Variants in EXT1 observed in about 807,000 individuals in gnomAD.
EXT1 encodes the protein exostosin glycosyltransferase 1.
EXT1 carries 20 observed loss-of-function variants against 82.5 expected under a neutral mutation model. The ratio of observed to expected loss-of-function variants is 0.24; its 90% confidence interval spans 0.17 to 0.35. The LOEUF (loss-of-function observed/expected upper bound fraction) is 0.35, where lower values mean the gene tolerates loss of function less well. Ranked by LOEUF, EXT1 falls within the 10% of genes least tolerant of loss-of-function variation. The pLI, the probability that EXT1 is intolerant of heterozygous loss-of-function variation, is 1.00. For synonymous variants in EXT1, 348 were observed against 350.8 expected (o/e 0.99, Z 0.09); for missense variants, 757 against 936.5 (o/e 0.81, Z 2.50).
intron 1 of EXT1, among the ~76,000 whole-genome samples, chr8:117,870,554 C>T (rs1003532122): frequency 6.7e-6 from 1 of 150,368 alleles, no homozygotes; most frequent in Non-Finnish European, 1.5e-5. Context: ...AGTTGTCCAT[C>T]AGTCTGTACT....
At chr8:117,858,483 C>T (rs991381882) in intron 1 of EXT1, among the ~76,000 whole-genome samples, 1 of 151,796 alleles carries the variant, frequency 6.6e-6, no homozygotes, top group African/African-American at 2.4e-5. Context: ...ATCAGCCTGG[C>T]CAGCATGGTG....
intron 1 of EXT1, among the ~76,000 whole-genome samples, chr8:117,859,884 C>T (rs1256091664): frequency 6.6e-6 from 1 of 152,140 alleles, no homozygotes; most frequent in Non-Finnish European, 1.5e-5. Flanking sequence ...CAGTGGCTCA[C>T]GCCTGTAATC....
chr8:118,044,699 G>A (rs17476714), intron 1 of EXT1, among the ~76,000 whole-genome samples: 294 of 152,214 alleles, frequency 1.9e-3, no homozygotes, highest in Middle Eastern at 6.8e-3. Context: ...GAGCCACCGT[G>A]CGCGGCTGAT....
intron 1 of EXT1, among the ~76,000 whole-genome samples, chr8:117,954,152 G>A (rs1433896276): frequency 6.6e-6 from 1 of 152,062 alleles, no homozygotes; most frequent in Non-Finnish European, 1.5e-5. Flanking sequence ...TCTTCCCAGG[G>A]GCTGTTTGCT....
intron 1 of EXT1, among the ~76,000 whole-genome samples, chr8:117,975,588 C>G (rs185807942): frequency 6.6e-6 from 1 of 152,254 alleles, no homozygotes; most frequent in Admixed American, 6.5e-5. Context: ...CATTCATGCT[C>G]TCTCATCACC....
At chr8:117,870,823 T>TCTCACACACA (rs150568638) in intron 1 of EXT1, among the ~76,000 whole-genome samples, 3 of 146,774 alleles carry the variant, frequency 2.0e-5, no homozygotes, top group African/African-American at 7.7e-5. Flanking sequence ...AAATGCTTTG[T>TCTCACACACA]CACACACACA....
chr8:117,903,759 C>T (rs756912181), intron 1 of EXT1, among the ~76,000 whole-genome samples: 3 of 152,198 alleles, frequency 2.0e-5, no homozygotes, highest in Non-Finnish European at 2.9e-5. Context: ...CAGGAATGTA[C>T]GGACAGGCTC....
At chr8:117,936,515 C>A (rs956730286) in intron 1 of EXT1, among the ~76,000 whole-genome samples, 3 of 152,186 alleles carry the variant, frequency 2.0e-5, no homozygotes, top group Non-Finnish European at 2.9e-5. Flanking sequence ...ACAAAATACA[C>A]CACCATCACC....
intron 1 of EXT1, among the ~76,000 whole-genome samples, chr8:118,059,405 G>A (rs993179623): frequency 6.6e-6 from 1 of 152,196 alleles, no homozygotes; most frequent in Non-Finnish European, 1.5e-5. Context: ...ACTCTCATAA[G>A]GTTGATGGAA....
At chr8:118,029,992 T>C (rs17476497) in intron 1 of EXT1, among the ~76,000 whole-genome samples, 3,669 of 152,310 alleles carry the variant, frequency 0.024, 122 homozygotes, top group African/African-American at 0.084. Context: ...GTGGCCTAAA[T>C]TCTGCACACT....
At chr8:117,922,014 T>G (rs1563601932) in intron 1 of EXT1, among the ~76,000 whole-genome samples, 3 of 152,124 alleles carry the variant, frequency 2.0e-5, no homozygotes, top group Admixed American at 2.0e-4. Context: ...AATTACAGCT[T>G]TAAAAGTTTC....
intron 1 of EXT1, among the ~76,000 whole-genome samples, chr8:118,093,907 G>T (rs751891458): frequency 6.6e-6 from 1 of 152,196 alleles, no homozygotes; most frequent in Non-Finnish European, 1.5e-5. Flanking sequence ...CCATCCTCAA[G>T]AAGAAGCCAT....
At chr8:117,959,175 T>A (rs1352796701) in intron 1 of EXT1, among the ~76,000 whole-genome samples, 1 of 152,190 alleles carries the variant, frequency 6.6e-6, no homozygotes, top group Non-Finnish European at 1.5e-5. Context: ...GGCTAGTGCC[T>A]GTGAAAGCTG....
At chr8:117,860,540 G>A (rs1411530816) in intron 1 of EXT1, among the ~76,000 whole-genome samples, 4 of 152,168 alleles carry the variant, frequency 2.6e-5, no homozygotes, top group African/African-American at 9.7e-5. Flanking sequence ...CCTTTGTAAA[G>A]GAAAGAGTAT....
chr8:117,872,280 T>A (rs1264433576), intron 1 of EXT1, among the ~76,000 whole-genome samples: 1 of 152,198 alleles, frequency 6.6e-6, no homozygotes, highest in South Asian at 2.1e-4. Flanking sequence ...TCTATCATAC[T>A]GGGAATTACT....
chr8:118,110,955 G>A lies in EXT1; in HGVS notation c.92C>T (p.Ser31Leu), dbSNP rs766091879. The change falls in exon 1 of 11, where the codon TCG becomes TTG. Residue 31 changes from serine to leucine, a missense_variant. Physicochemically the swap from Ser to Leu is moderately radical, Grantham distance 145. This residue lies in a region of EXT1 where 175 missense variants were observed against 159.0 expected (regional missense o/e 1.10). Transcript: ENST00000378204. ...FYFGGLQFRA[S>L]RSHSRREEHS... ...TTCTTCTCTCCGGCTGTGGCTCCTC[G>A]ATGCCCTAAACTGCAAGCCTCCGAA... 1.2e-6 allele frequency: 2 copies of A among 1,612,740 alleles called. No individual in the cohort carries two copies. Among genetic ancestry groups the A allele is most frequent in the Non-Finnish European group, 1.7e-6 (2 of 1,180,020 alleles).
intron 1 of EXT1, among the ~76,000 whole-genome samples, chr8:117,864,101 GAAC>G (rs991440723): frequency 6.6e-6 from 1 of 152,124 alleles, no homozygotes; most frequent in Non-Finnish European, 1.5e-5. Context: ...AAAAGGGAGA[GAAC>G]AACGCTGAGA....
Position 118,033,207 on chromosome 8 carries a change from T to C in EXT1, c.962+76878A>G, listed in dbSNP as rs1171405797. ...CCTGCTTTCAGAAGGACTGTCCTAA[T>C]CCTTTTGTTGTTTGTGAGTTAAGTA... is the stretch of plus-strand genomic sequence containing the variant. On this transcript the variant is annotated intron_variant, in intron 1 of 10. Transcript: ENST00000378204. 3.3e-5 allele frequency among the ~76,000 whole-genome samples: 5 copies of C among 152,206 alleles called. No homozygotes were observed. The East Asian group carries it at 9.6e-4, about 29-fold the overall frequency.
chr8:118,096,617 AAGG>A (rs1215798025), intron 1 of EXT1, among the ~76,000 whole-genome samples: 45,600 of 98,868 alleles, frequency 0.46, 11,262 homozygotes, highest in Middle Eastern at 0.57. Context: ...GGAAGGAAGG[AAGG>A]AGGAAGGAAG....
Sources: allele counts gnomAD v4.1 joint callset (sites outside exome capture counted in the v4.1 genomes callset), GRCh38; gene constraint gnomAD v4.1.1; regional missense constraint gnomAD v4.1.1; transcripts MANE v1.5; gene names NCBI Gene and HGNC (gene_info 2026-07-23, HGNC 2026-07-21).